Variants in EBF2 observed in about 807,000 individuals in gnomAD.
EBF2 encodes the protein EBF transcription factor 2.
In EBF2, 21 loss-of-function variants were observed where a neutral mutation model predicts 72.8. The ratio of observed to expected loss-of-function variants is 0.29; its 90% CI spans 0.20 to 0.42. EBF2 has a LOEUF of 0.42. EBF2 is among the 10% of genes least tolerant of loss of function. EBF2 has a pLI of 1.00. For synonymous variants in EBF2, 299 were observed against 274.2 expected, an observed-to-expected ratio of 1.09 and a Z score of -0.89; for missense variants, 637 against 731.2, an observed-to-expected ratio of 0.87 and a Z score of 1.49.
chr8:25,923,447 C>T (rs1803337413), intron 6 of EBF2, among the ~76,000 whole-genome samples: 1 of 152,194 alleles, frequency 6.6e-6, no homozygotes, highest in African/African-American at 2.4e-5. Flanking sequence ...CATCTCTCAG[C>T]TTGCCAGGGT....
chr8:25,920,971 G>A (rs890240609), intron 6 of EBF2, among the ~76,000 whole-genome samples: 1 of 152,114 alleles, frequency 6.6e-6, no homozygotes, highest in African/African-American at 2.4e-5. Flanking sequence ...TAGAGAAACC[G>A]AGATGGTAAT....
rs890864617 is a variant in EBF2, at chr8:25,842,790, G to C, written c.*1819C>G. The C allele has an allele frequency of 6.6e-5, 10 of 152,180 alleles. No individual in the cohort carries two copies. The highest frequency in any genetic ancestry group is 2.2e-4 in the African/African-American group (9 of 41,446). The allele number at this position is 152,180 out of a possible 1,614,324, so 9.4% of individuals were successfully genotyped here. The stretch of plus-strand genomic sequence containing the variant: ...GTTGGGGCTGGATAGATGTGGGCCT[G>C]CATCAATGGGTCAAAGAGAAGGTAT... On this transcript the variant is annotated 3_prime_UTR_variant, in exon 16 of 16. Coordinates refer to ENST00000520164, the MANE Select transcript of EBF2 (RefSeq NM_022659.4).
At chr8:25,909,406 T>TAA (rs5890265) in intron 6 of EBF2, among the ~76,000 whole-genome samples, 57,878 of 147,312 alleles carry the variant, frequency 0.39, 12,613 homozygotes, top group East Asian at 0.64. Flanking sequence ...TCCTTTCCCT[T>TAA]AAAAAAAAAA....
chr8:25,968,942 A>ATG (rs1804152469), intron 6 of EBF2, among the ~76,000 whole-genome samples: 2 of 152,114 alleles, frequency 1.3e-5, no homozygotes, highest in Admixed American at 1.3e-4. Flanking sequence ...ACTGAACTGC[A>ATG]CACTTAAAGA....
intron 6 of EBF2, among the ~76,000 whole-genome samples, chr8:25,936,851 A>T (rs1203983515): frequency 6.6e-6 from 1 of 152,240 alleles, no homozygotes; most frequent in Non-Finnish European, 1.5e-5. Context: ...TATCATCTTC[A>T]TCTGTGTTTC....
At chr8:25,961,228 A>G (rs1804029593) in intron 6 of EBF2, among the ~76,000 whole-genome samples, 1 of 152,212 alleles carries the variant, frequency 6.6e-6, no homozygotes, top group Non-Finnish European at 1.5e-5. Context: ...ATGTGTCTTA[A>G]AATTTTCTAT....
At chr8:25,868,980 T>C (rs904763714) in intron 10 of EBF2, among the ~76,000 whole-genome samples, 4 of 152,200 alleles carry the variant, frequency 2.6e-5, no homozygotes, top group African/African-American at 7.2e-5. Context: ...TTTTCTATGT[T>C]CTATATTTTT....
intron 6 of EBF2, among the ~76,000 whole-genome samples, chr8:25,962,275 G>A (rs1487410634): frequency 6.6e-6 from 1 of 152,144 alleles, no homozygotes; most frequent in Non-Finnish European, 1.5e-5. Context: ...GCAGGGTGTT[G>A]GTAGTTGTGG....
chr8:25,906,317 A>G (rs1803030352), intron 7 of EBF2, among the ~76,000 whole-genome samples: 1 of 152,206 alleles, frequency 6.6e-6, no homozygotes, highest in Non-Finnish European at 1.5e-5. Flanking sequence ...AGCTTTGGTC[A>G]TGGAGGCACT....
chr8:25,939,685 T>A (rs1803637329), intron 6 of EBF2, among the ~76,000 whole-genome samples: 1 of 152,220 alleles, frequency 6.6e-6, no homozygotes, highest in Non-Finnish European at 1.5e-5. Context: ...CTCTAATGTG[T>A]CCCTCTATGT....
At chr8:26,041,051 A>C in intron 2 of EBF2, 49 bp from the exon 3 acceptor site, 1 of 1,603,754 alleles carries the variant, frequency 6.2e-7, no homozygotes. Flanking sequence ...GCCCCCCAAA[A>C]TGAGGGAAAG....
At chr8:25,885,293 A>C (rs188107495) in intron 10 of EBF2, among the ~76,000 whole-genome samples, 15 of 152,194 alleles carry the variant, frequency 9.9e-5, no homozygotes, top group Admixed American at 8.5e-4. Context: ...TGTGCAGCTC[A>C]TTTGGGCTAA....
At chr8:25,917,146 T>A (rs1803230934) in intron 6 of EBF2, among the ~76,000 whole-genome samples, 1 of 151,954 alleles carries the variant, frequency 6.6e-6, no homozygotes, top group Non-Finnish European at 1.5e-5. Context: ...AACTACAGTT[T>A]CTGAGGACCT....
rs113974211 is a variant in EBF2, at chr8:26,024,826, A to C, written c.551+8259T>G. Among the ~76,000 whole-genome samples, 135 of 152,334 alleles carry C rather than the reference A, an allele frequency of 8.9e-4. 1 individual carries two copies. The highest frequency in any genetic ancestry group is 3.1e-3 in the African/African-American group (127 of 41,574). On this transcript the variant is annotated intron_variant, in intron 6 of 15. Transcript: ENST00000520164. ...TTACATGAATGTATTTAGCACAACA[A>C]CTTAAGGGGAGAGGTATTATTAACA...
chr8:26,038,802 G>T (rs983757731), intron 5 of EBF2, among the ~76,000 whole-genome samples: 1 of 152,170 alleles, frequency 6.6e-6, no homozygotes, highest in African/African-American at 2.4e-5. Context: ...AGTTTGTTTT[G>T]GTACTTGGTC....
chr8:25,994,400 A>T (rs1033597127), intron 6 of EBF2, among the ~76,000 whole-genome samples: 1 of 152,218 alleles, frequency 6.6e-6, no homozygotes, highest in African/African-American at 2.4e-5. Flanking sequence ...TAATAGAAAT[A>T]TAGGCTAAAA....
At chr8:25,945,348 C>T (rs1033789185) in intron 6 of EBF2, among the ~76,000 whole-genome samples, 1 of 152,134 alleles carries the variant, frequency 6.6e-6, no homozygotes, top group African/African-American at 2.4e-5. Flanking sequence ...AGCATTTCTT[C>T]CCCTCTGCAA....
chr8:25,982,309 T>A (rs555465867), intron 6 of EBF2, among the ~76,000 whole-genome samples: 1 of 152,248 alleles, frequency 6.6e-6, no homozygotes, highest in South Asian at 2.1e-4. Context: ...CACACTGAAC[T>A]GCTGATTCTC....
At chr8:25,862,877 A>T in intron 10 of EBF2, 80 bp from the exon 11 acceptor site, 1 of 1,082,066 alleles carries the variant, frequency 9.2e-7, no homozygotes, top group South Asian at 2.0e-5. Context: ...CACAGGTAAT[A>T]AGAAGGTTCT....
Sources: allele counts gnomAD v4.1 joint callset (sites outside exome capture counted in the v4.1 genomes callset), GRCh38; gene constraint gnomAD v4.1.1; transcripts MANE v1.5; gene names NCBI Gene and HGNC (gene_info 2026-07-23, HGNC 2026-07-21).